CHD1L: variants seen among roughly 807,000 people sequenced by gnomAD.
The protein encoded by CHD1L is ATP-dependent chromatin remodeler CHD1L.
In CHD1L, 118 loss-of-function variants were observed where a neutral mutation model predicts 115.9. The observed-to-expected ratio is 1.02, with a 90% confidence interval of 0.88 to 1.19. The LOEUF (loss-of-function observed/expected upper bound fraction) is 1.19. Ranked by LOEUF, CHD1L falls within the 50% of genes most tolerant of loss-of-function variation. The probability of loss-of-function intolerance (pLI) is 0.00; values close to 1 mark genes in which losing one functional copy is unlikely to be tolerated. For synonymous variants in CHD1L, 411 were observed against 387.1 expected, an observed-to-expected ratio of 1.06 and a Z score of -0.72; for missense variants, 1,179 against 1,065.3, an observed-to-expected ratio of 1.11 and a Z score of -1.49.
At chr1:147,269,725 G>T (rs1290390876) in intron 10 of CHD1L, among the ~76,000 whole-genome samples, 2 of 149,644 alleles carry the variant, frequency 1.3e-5, no homozygotes, top group Non-Finnish European at 3.0e-5. Flanking sequence ...CATGTGTTCA[G>T]CTTATACCTA....
the CHD1L span, among the ~76,000 whole-genome samples, chr1:147,199,578 GAA>G: frequency 2.0e-5 from 3 of 152,166 alleles, no homozygotes; most frequent in African/African-American, 4.8e-5. Context: ...CTTGGTCTTG[GAA>G]AAGAGTCCCA....
the CHD1L span, among the ~76,000 whole-genome samples, chr1:147,219,297 C>T: frequency 2.2e-4 from 34 of 152,054 alleles, no homozygotes; most frequent in African/African-American, 8.0e-4. Context: ...CCCTGTTAGA[C>T]ATGTCTCTTT....
the CHD1L span, among the ~76,000 whole-genome samples, chr1:147,228,410 T>C: frequency 1.3e-5 from 2 of 152,322 alleles, no homozygotes; most frequent in Admixed American, 1.3e-4. Context: ...AGTCTATCAT[T>C]GTTGGACATT....
At position 147,293,642 on chromosome 1, in the gene CHD1L, C is replaced by G. The variant is rs1553973054; in HGVS notation, c.2426C>G (p.Ser809Cys). The G allele has an allele frequency of 6.2e-7, 1 of 1,614,130 alleles. No homozygotes were observed. Among genetic ancestry groups the G allele is most frequent in the Non-Finnish European group, 8.5e-7 (1 of 1,180,010 alleles). The change falls in exon 21 of 23, where the codon TCC becomes TGC. Residue 809 changes from serine to cysteine, a missense_variant. Physicochemically the swap from Ser to Cys is moderately radical, Grantham distance 112 (BLOSUM62 -1). Transcript: ENST00000369258. ...ATTGTGGCTCAGCATCGTGATCGTTCCAATGTCCTGTCTGGCATTAAGATG... is the reference window on the plus strand; with the variant it reads ...ATTGTGGCTCAGCATCGTGATCGTTGCAATGTCCTGTCTGGCATTAAGATG... ...ALIVAQHRDRSNVLSGIKMAA... is the reference protein window; with the variant it reads ...ALIVAQHRDRCNVLSGIKMAA...
chr1:147,233,192 C>T, the CHD1L span, among the ~76,000 whole-genome samples: 11 of 151,960 alleles, frequency 7.2e-5, no homozygotes, highest in East Asian at 2.0e-4. Context: ...CCAGCCGCCC[C>T]GTCTGAGAAG....
At chr1:147,256,496 GC>G (rs1670190641) in intron 4 of CHD1L, 34 bp from the exon 5 acceptor site, 3 of 1,597,598 alleles carry the variant, frequency 1.9e-6, no homozygotes. Context: ...GTTTATCAAT[GC>G]CAGCCTTTAT....
intron 20 of CHD1L, 43 bp from the exon 21 acceptor site, chr1:147,293,565 C>A: frequency 1.3e-6 from 2 of 1,537,268 alleles, no homozygotes; most frequent in Non-Finnish European, 1.8e-6. Context: ...TTGAGTGTGG[C>A]TGTTTCATGT....
the CHD1L span, among the ~76,000 whole-genome samples, chr1:147,232,831 C>T: frequency 6.6e-6 from 1 of 152,142 alleles, no homozygotes; most frequent in Admixed American, 6.5e-5. Flanking sequence ...AGTGCAGTGG[C>T]GTGATCTCGG....
the CHD1L span, among the ~76,000 whole-genome samples, chr1:147,189,601 G>T: frequency 1.3e-5 from 2 of 152,222 alleles, no homozygotes; most frequent in East Asian, 3.9e-4. Flanking sequence ...AACACCCAGC[G>T]ATTGAGCTTA....
chr1:147,226,919 A>G, the CHD1L span, among the ~76,000 whole-genome samples: 4 of 150,374 alleles, frequency 2.7e-5, no homozygotes, highest in African/African-American at 9.8e-5. Flanking sequence ...TGCAGCCTCT[A>G]TCTCCTGGGC....
Position 147,294,487 on chromosome 1 carries a change from A to G in CHD1L, c.2585A>G (p.His862Arg), listed in dbSNP as rs782759083. 17 of 1,613,178 alleles carry G rather than the reference A, an allele frequency of 1.1e-5. No homozygotes were observed. In the South Asian group the frequency reaches 1.7e-4, roughly 16 times the overall value. Reference sequence around the variant, plus strand: ...GGTACTGAGCGACTTATTCGGAAACATCTGGCTGCAAGAGGCATCCCAACT... The same window carrying G: ...GGTACTGAGCGACTTATTCGGAAACGTCTGGCTGCAAGAGGCATCCCAACT... ...WYGTERLIRK[H>R]LAARGIPTYI... The change falls in exon 22 of 23, where the codon CAT (histidine) becomes CGT (arginine). Residue 862 changes from histidine to arginine, a missense_variant. Transcript: ENST00000369258.
At chr1:147,215,894 T>C in the CHD1L span, 2 of 1,613,082 alleles carry the variant, frequency 1.2e-6, no homozygotes. Context: ...TTAGAAGTAT[T>C]GATGATCACT....
intron 1 of CHD1L, among the ~76,000 whole-genome samples, chr1:147,252,287 A>G (rs1187415816): frequency 2.0e-5 from 3 of 152,190 alleles, no homozygotes; most frequent in Admixed American, 2.0e-4. Context: ...GTTAAGTTGC[A>G]TCAGTAATGC....
chr1:147,295,441 C>T lies in CHD1L; in HGVS notation c.2626C>T (p.Pro876Ser). 1 of 1,608,090 alleles carries T rather than the reference C, an allele frequency of 6.2e-7. No individual in the cohort carries two copies. The highest frequency in any genetic ancestry group is 8.5e-7 in the Non-Finnish European group (1 of 1,175,664). ...RGIPTYIYYF[P>S]RSKSAVLHSQ... ...GACCATCCTTATCAGATATTATTTTCCTAGAAGCAAGTCTGCTGTCCTTCA... is the reference window on the plus strand; with the variant it reads ...GACCATCCTTATCAGATATTATTTTTCTAGAAGCAAGTCTGCTGTCCTTCA... The change falls in exon 23 of 23, where the codon CCT (proline) becomes TCT (serine). Residue 876 changes from proline to serine, a missense_variant. Coordinates refer to ENST00000369258, the MANE Select transcript of CHD1L (RefSeq NM_004284.6).
At chr1:147,268,962 C>T in intron 10 of CHD1L, 84 bp downstream of exon 10, 3 of 979,298 alleles carry the variant, frequency 3.1e-6, no homozygotes, top group Non-Finnish European at 4.3e-6. Flanking sequence ...TTGTTCAGGC[C>T]AATTCCAGTT....
chr1:147,292,453 G>C (rs1685896387), intron 20 of CHD1L, among the ~76,000 whole-genome samples: 1 of 152,176 alleles, frequency 6.6e-6, no homozygotes, highest in African/African-American at 2.4e-5. Flanking sequence ...CCAGAATTAA[G>C]AAATTTCAAA....
At chr1:147,254,183 A>G (rs149876341) in intron 2 of CHD1L, among the ~76,000 whole-genome samples, 7 of 152,338 alleles carry the variant, frequency 4.6e-5, no homozygotes, top group African/African-American at 1.7e-4. Context: ...CTTCTGAAGT[A>G]TGCCCATTTG....
chr1:147,224,006 A>T, the CHD1L span: 2 of 417,646 alleles, frequency 4.8e-6, no homozygotes, highest in Non-Finnish European at 9.5e-6. Context: ...GAACAAGAAG[A>T]CTCAGCTGGT....
chr1:147,233,028 G>C, the CHD1L span, among the ~76,000 whole-genome samples: 19 of 151,738 alleles, frequency 1.3e-4, no homozygotes, highest in African/African-American at 4.6e-4. Context: ...GCCTCTTCCC[G>C]GCCGCCATCC....
Sources: allele counts gnomAD v4.1 joint callset (sites outside exome capture counted in the v4.1 genomes callset), GRCh38; gene constraint gnomAD v4.1.1; transcripts MANE v1.5; gene names NCBI Gene and HGNC (gene_info 2026-07-23, HGNC 2026-07-21).